The following TRARG1 variants were observed in gnomAD, a reference collection of about 807,000 sequenced individuals.
The protein encoded by TRARG1 is trafficking regulator of GLUT4 (SLC2A4) 1 (gene/pseudogene), also known as trafficking regulator of GLUT4 1.
A neutral mutation model predicts 13.3 loss-of-function variants in TRARG1; 16 were observed. That is an observed-to-expected ratio of 1.20 (90% CI 0.81 to 1.83). The LOEUF is 1.83. TRARG1 is among the 40% of genes most tolerant of loss of function. The pLI is 0.00. For missense variants in TRARG1, 250 were observed against 237.4 expected (o/e 1.05, Z -0.35); for synonymous variants, 113 against 106.2 (o/e 1.06, Z -0.39).
Position 1,280,011 on chromosome 17 carries a change from C to G in TRARG1, c.10C>G (p.Pro4Ala). 2.5e-6 allele frequency: 4 copies of G among 1,611,614 alleles called. No individual in the cohort carries two copies. Among genetic ancestry groups the G allele is most frequent in the Non-Finnish European group, 3.4e-6 (4 of 1,179,086 alleles). Residue 4 changes from proline to alanine, a missense_variant, in exon 1 of 3, where the codon CCG becomes GCG. Transcript: ENST00000333813. ...CAAGGCCCAGGCCCCCATGGCCCACCCGGTGCAGTCCGAGTTTCCTTCAGC... is the reference window on the plus strand; with the variant it reads ...CAAGGCCCAGGCCCCCATGGCCCACGCGGTGCAGTCCGAGTTTCCTTCAGC... The part of the protein sequence containing the change: MAH[P>A]VQSEFPSAQE...
intron 1 of TRARG1, among the ~76,000 whole-genome samples, chr17:1,293,326 TG>T (rs1302219651): frequency 6.7e-6 from 1 of 150,208 alleles, no homozygotes; most frequent in East Asian, 1.9e-4. Context: ...GCTCCTGCTT[TG>T]TAACAGAGGG....
Position 1,298,616 on chromosome 17 carries a change from C to A in TRARG1, c.*352C>A. The stretch of plus-strand genomic sequence containing the variant: ...GGATGAATGAGGAAAAAACCCAGCC[C>A]CACAAACGAGACACACGCTGGCGGG... On this transcript the variant is annotated 3_prime_UTR_variant, in exon 3 of 3. Transcript: ENST00000333813. The A allele has an allele frequency of 3.2e-6, 1 of 314,718 alleles. No individual in the cohort carries two copies. Among genetic ancestry groups the A allele is most frequent in the Non-Finnish European group, 5.8e-6 (1 of 172,720 alleles). The allele number at this position is 314,718 out of a possible 1,614,324, so 19.5% of individuals were successfully genotyped here. A position where few individuals can be genotyped will look rare whatever the true frequency, so the allele number is the denominator to read the frequency against.
intron 1 of TRARG1, among the ~76,000 whole-genome samples, chr17:1,294,594 G>A (rs1017794022): frequency 5.3e-5 from 8 of 150,714 alleles, no homozygotes; most frequent in African/African-American, 2.0e-4. Context: ...AGCCTCCTGA[G>A]TAGCTGGGAC....
rs2072131674 is a variant in TRARG1, at chr17:1,298,786, CG to C, written c.*523del. 6.5e-6 allele frequency: 1 copy of C among 154,460 alleles called. No homozygotes were observed. The allele number at this position is 154,460 out of a possible 1,614,324, so 9.6% of individuals were successfully genotyped here. A position where few individuals can be genotyped will look rare whatever the true frequency, so the allele number is the denominator to read the frequency against. On this transcript the variant is annotated 3_prime_UTR_variant, in exon 3 of 3. Transcript: ENST00000333813. ...CCCGCGGTGATCCCAGCCAGGGCCCCGAGCGCAGAGGCGGAGCTGTGCTCAG... is the reference window on the plus strand; with the variant it reads ...CCCGCGGTGATCCCAGCCAGGGCCCCAGCGCAGAGGCGGAGCTGTGCTCAG...
At chr17:1,285,433 T>A (rs11655067) in intron 1 of TRARG1, among the ~76,000 whole-genome samples, 74,160 of 150,170 alleles carry the variant, frequency 0.49, 19,140 homozygotes, top group African/African-American at 0.64. Flanking sequence ...AGGGCTGGGC[T>A]CAGTGGCTCA....
At position 1,282,062 on chromosome 17, in the gene TRARG1, G is replaced by GTATACACA. The variant is rs1555630770; in HGVS notation, c.387+1679_387+1686dup. Among the ~76,000 whole-genome samples the GTATACACA allele has an allele frequency of 6.1e-4, 89 of 145,464 alleles. 1 individual carries two copies. Among genetic ancestry groups the GTATACACA allele is most frequent in the African/African-American group, 2.3e-3 (87 of 37,050 alleles). ...CACACATATGTACACATATGTACAT[G>GTATACACA]TATACACATATATACATATATGTAC... On this transcript the variant is annotated intron_variant, in intron 1 of 2. Coordinates refer to ENST00000333813, the MANE Select transcript of TRARG1 (RefSeq NM_172367.3).
Position 1,300,930 on chromosome 17 carries a change from A to T in TRARG1, c.*2666A>T, listed in dbSNP as rs1484832083. ...CCACACTGCCTTCACCATCTACACC[A>T]GTGACGCCGCTGTGTGTCTTAGCAT... On this transcript the variant is annotated 3_prime_UTR_variant, in exon 3 of 3. Coordinates refer to ENST00000333813, the MANE Select transcript of TRARG1 (RefSeq NM_172367.3). 6.6e-6 allele frequency: 1 copy of T among 152,382 alleles called. No homozygotes were observed. The highest frequency in any genetic ancestry group is 1.5e-5 in the Non-Finnish European group (1 of 68,152). 9.4% of individuals were successfully genotyped at this position (152,382 alleles called of 1,614,324 possible). A position where few individuals can be genotyped will look rare whatever the true frequency, so the allele number is the denominator to read the frequency against.
chr17:1,284,396 G>T (rs1275027601), intron 1 of TRARG1, among the ~76,000 whole-genome samples: 1 of 152,218 alleles, frequency 6.6e-6, no homozygotes, highest in Non-Finnish European at 1.5e-5. Flanking sequence ...GAGTGTGGTT[G>T]GATCTCCATT....
intron 1 of TRARG1, among the ~76,000 whole-genome samples, chr17:1,291,161 C>A (rs1331452305): frequency 6.6e-6 from 1 of 151,952 alleles, no homozygotes; most frequent in Non-Finnish European, 1.5e-5. Flanking sequence ...TCACCTCAGC[C>A]ATGCAATGGT....
intron 1 of TRARG1, among the ~76,000 whole-genome samples, chr17:1,294,276 G>A (rs1238686748): frequency 1.3e-5 from 2 of 151,994 alleles, no homozygotes; most frequent in African/African-American, 4.8e-5. Flanking sequence ...GTTGAACTAG[G>A]TTCAGGAAGA....
chr17:1,286,289 G>T (rs2072019389), intron 1 of TRARG1, among the ~76,000 whole-genome samples: 1 of 152,250 alleles, frequency 6.6e-6, no homozygotes, highest in African/African-American at 2.4e-5. Context: ...GCACAGACAG[G>T]CCAATGGCCC....
chr17:1,282,127 CATATACACGCATATAT>C (rs2071981209), intron 1 of TRARG1, among the ~76,000 whole-genome samples: 3 of 68,496 alleles, frequency 4.4e-5, no homozygotes, highest in African/African-American at 5.6e-5. Context: ...CACATATGTA[CATATACACGCATATAT>C]GTACGTATAC....
chr17:1,285,015 G>A (rs1205152905), intron 1 of TRARG1, among the ~76,000 whole-genome samples: 9 of 152,142 alleles, frequency 5.9e-5, no homozygotes, highest in Non-Finnish European at 8.8e-5. Flanking sequence ...CACCGTGTTG[G>A]CATTTGGGAA....
Position 1,284,881 on chromosome 17 carries a change from T to A in TRARG1, c.387+4493T>A, listed in dbSNP as rs1048768425. On this transcript the variant is annotated intron_variant, in intron 1 of 2. Transcript: ENST00000333813. ...ATTTTTAGTAGATACGGGGTTTCAC[T>A]GTGTTAGCCAGGATGGTCTCGATCT... Among the ~76,000 whole-genome samples the A allele has an allele frequency of 3.3e-5, 5 of 151,762 alleles. No individual in the cohort carries two copies. In the South Asian group the frequency reaches 1.0e-3, roughly 32 times the overall value.
At chr17:1,285,941 G>A (rs996036247) in intron 1 of TRARG1, among the ~76,000 whole-genome samples, 6 of 152,172 alleles carry the variant, frequency 3.9e-5, no homozygotes, top group Admixed American at 2.6e-4. Context: ...GGCCAGCTCC[G>A]AGGCCGCTCA....
intron 2 of TRARG1, among the ~76,000 whole-genome samples, chr17:1,297,303 A>C (rs1259536888): frequency 6.6e-6 from 1 of 151,986 alleles, no homozygotes; most frequent in Non-Finnish European, 1.5e-5. Context: ...GCCCAACTTG[A>C]GCTTGGGACC....
intron 1 of TRARG1, among the ~76,000 whole-genome samples, chr17:1,283,475 G>A (rs898992426): frequency 1.3e-5 from 2 of 152,128 alleles, no homozygotes; most frequent in African/African-American, 4.8e-5. Context: ...TGCAACAACC[G>A]CAGTCAATTT....
chr17:1,282,285 C>CATATGCAT (rs1454874243), intron 1 of TRARG1, among the ~76,000 whole-genome samples: 1 of 136,848 alleles, frequency 7.3e-6, no homozygotes, highest in South Asian at 2.3e-4. Flanking sequence ...CGTATATGTA[C>CATATGCAT]ATATATGTAC....
Position 1,300,585 on chromosome 17 carries a change from G to A in TRARG1, c.*2321G>A, listed in dbSNP as rs1365544769. ...CCAGGGCGCTCTTCCAGGCAGGCGAGGATAACTTGAGAGTTTCCTAGGGCA... is the reference window on the plus strand; with the variant it reads ...CCAGGGCGCTCTTCCAGGCAGGCGAAGATAACTTGAGAGTTTCCTAGGGCA... On this transcript the variant is annotated 3_prime_UTR_variant, in exon 3 of 3. Transcript: ENST00000333813. The A allele has an allele frequency of 6.5e-6, 1 of 152,694 alleles. No homozygotes were observed. Among genetic ancestry groups the A allele is most frequent in the African/African-American group, 2.4e-5 (1 of 41,474 alleles). 9.5% of individuals were successfully genotyped at this position (152,694 alleles called of 1,614,324 possible). A position where few individuals can be genotyped will look rare whatever the true frequency, so the allele number is the denominator to read the frequency against.
Sources: allele counts gnomAD v4.1 joint callset (sites outside exome capture counted in the v4.1 genomes callset), GRCh38; gene constraint gnomAD v4.1.1; transcripts MANE v1.5; gene names NCBI Gene and HGNC (gene_info 2026-07-23, HGNC 2026-07-21).